Variants in PDE1A observed in about 807,000 individuals in gnomAD.
PDE1A encodes dual specificity calcium/calmodulin-dependent 3',5'-cyclic nucleotide phosphodiesterase 1A.
A neutral mutation model predicts 61.7 loss-of-function variants in PDE1A; 35 were observed. The ratio of observed to expected loss-of-function variants is 0.57; its 90% confidence interval spans 0.43 to 0.75. The LOEUF is 0.75. Ranked by LOEUF, PDE1A falls within the 30% of genes least tolerant of loss-of-function variation. The pLI is 0.00. For synonymous variants in PDE1A, 232 were observed against 213.2 expected (o/e 1.09, Z -0.77); for missense variants, 597 against 630.6 (o/e 0.95, Z 0.57).
intron 7 of PDE1A, among the ~76,000 whole-genome samples, chr2:182,206,862 C>T (rs1299405121): frequency 6.6e-6 from 1 of 152,124 alleles, no homozygotes; most frequent in Non-Finnish European, 1.5e-5. Context: ...TCTCTCCTGC[C>T]ACCATGTGAA....
chr2:182,496,760 C>T (rs1048459716), intron 2 of PDE1A, among the ~76,000 whole-genome samples: 7 of 152,234 alleles, frequency 4.6e-5, no homozygotes, highest in Admixed American at 1.3e-4. Context: ...GGACTGATAG[C>T]AGCAGTAGTG....
Position 182,240,106 on chromosome 2 carries a change from T to C in PDE1A, c.350+4A>G. ...TGTCTTGAGATACCAACAATTTCAC[T>C]TACCTTTCCACAAAAATTCCAGCTT... is the stretch of plus-strand genomic sequence containing the variant. On this transcript the variant is annotated splice_donor_region_variant and intron_variant, in intron 3 of 13. Transcript: ENST00000351439. The C allele has an allele frequency of 1.2e-6, 2 of 1,611,768 alleles. No homozygotes were observed. The highest frequency in any genetic ancestry group is 2.2e-5 in the South Asian group (2 of 90,508).
intron 2 of PDE1A, among the ~76,000 whole-genome samples, chr2:182,243,054 A>C (rs540903270): frequency 2.0e-5 from 3 of 152,178 alleles, no homozygotes; most frequent in Admixed American, 2.0e-4. Flanking sequence ...ATAAAGACTC[A>C]GTTCTCTATT....
chr2:182,334,265 G>GAC lies in PDE1A; in HGVS notation c.54-69852_54-69851insGT, dbSNP rs746376417. ...ATAATCCTGATACCAAACCCTGGAAGAGACACACACACACACACACACACA... is the reference window on the plus strand; with the variant it reads ...ATAATCCTGATACCAAACCCTGGAAGACAGACACACACACACACACACACACA... On this transcript the variant is annotated intron_variant, in intron 1 of 13. Transcript: ENST00000351439. 9.5e-3 allele frequency among the ~76,000 whole-genome samples: 1,415 copies of GAC among 149,114 alleles called. 8 individuals are homozygous for GAC. The highest frequency in any genetic ancestry group is 0.013 in the Non-Finnish European group (890 of 67,084).
intron 1 of PDE1A, among the ~76,000 whole-genome samples, chr2:182,336,727 CT>C (rs1472187235): frequency 6.6e-6 from 1 of 151,454 alleles, no homozygotes; most frequent in Admixed American, 6.6e-5. Context: ...TGTAACAAAA[CT>C]GCACGTTTTG....
chr2:182,168,227 G>A (rs2276613), exon 14 of PDE1A: 22 of 1,575,418 alleles, frequency 1.4e-5, no homozygotes, highest in South Asian at 4.8e-5. Flanking sequence ...CACCATGCAC[G>A]AGGTTTTACT....
intron 8 of PDE1A, among the ~76,000 whole-genome samples, chr2:182,204,424 A>G (rs1030802684): frequency 1.3e-5 from 2 of 152,144 alleles, no homozygotes; most frequent in Non-Finnish European, 2.9e-5. Flanking sequence ...ACTGTGTGGG[A>G]CCACTCGTAC....
At chr2:182,189,806 T>G (rs765617986) in intron 10 of PDE1A, among the ~76,000 whole-genome samples, 2 of 152,220 alleles carry the variant, frequency 1.3e-5, no homozygotes, top group African/African-American at 2.4e-5. Context: ...CAAGGTTTAT[T>G]AAACTTTGGT....
At chr2:182,170,326 T>TA (rs1016655247) in intron 13 of PDE1A, among the ~76,000 whole-genome samples, 4 of 152,052 alleles carry the variant, frequency 2.6e-5, no homozygotes, top group Admixed American at 6.6e-5. Flanking sequence ...GAATAAATGA[T>TA]AAAAAATTTC....
At chr2:182,667,804 C>CA in the PDE1A span, among the ~76,000 whole-genome samples, 1 of 152,114 alleles carries the variant, frequency 6.6e-6, no homozygotes, top group Non-Finnish European at 1.5e-5. Flanking sequence ...AACTGCAACC[C>CA]AAAATGAGAG....
chr2:182,475,529 C>G (rs1001153529), intron 2 of PDE1A, among the ~76,000 whole-genome samples: 4 of 151,932 alleles, frequency 2.6e-5, no homozygotes, highest in Non-Finnish European at 4.4e-5. Context: ...CTTTACCATT[C>G]TCATTATTAC....
At chr2:182,535,964 T>A in the PDE1A span, among the ~76,000 whole-genome samples, 1 of 152,130 alleles carries the variant, frequency 6.6e-6, no homozygotes, top group Non-Finnish European at 1.5e-5. Flanking sequence ...AAAAGAAGCA[T>A]AAATTTAGGC....
the PDE1A span, among the ~76,000 whole-genome samples, chr2:182,645,276 G>GCGCCCAGC: frequency 0.61 from 93,140 of 151,630 alleles, 28,813 homozygotes; most frequent in Admixed American, 0.71. Context: ...GTGAGCCACC[G>GCGCCCAGC]CCTCTTCTGT....
At chr2:182,666,954 G>A in the PDE1A span, among the ~76,000 whole-genome samples, 1 of 152,138 alleles carries the variant, frequency 6.6e-6, no homozygotes, top group Non-Finnish European at 1.5e-5. Flanking sequence ...GCACAGTCCT[G>A]CTAGTAAGTC....
intron 7 of PDE1A, among the ~76,000 whole-genome samples, chr2:182,212,083 A>AATCT (rs1197610388): frequency 6.6e-6 from 1 of 152,134 alleles, no homozygotes; most frequent in Admixed American, 6.5e-5. Context: ...CCTTGTTCAC[A>AATCT]ATCTTAGTGG....
chr2:182,675,240 T>C, the PDE1A span, among the ~76,000 whole-genome samples: 1 of 152,104 alleles, frequency 6.6e-6, no homozygotes, highest in Non-Finnish European at 1.5e-5. Context: ...AGTTTGCTAA[T>C]AATAATGGCC....
At chr2:182,644,263 C>CTGTGTGTG in the PDE1A span, among the ~76,000 whole-genome samples, 17,219 of 122,664 alleles carry the variant, frequency 0.14, 1,684 homozygotes, top group Admixed American at 0.24. Context: ...TCTTAAGACT[C>CTGTGTGTG]TGTGTGTGTG....
chr2:182,252,761 C>T lies in PDE1A; in HGVS notation c.167+11540G>A, dbSNP rs536073010. On this transcript the variant is annotated intron_variant, in intron 2 of 13. Coordinates refer to ENST00000351439, the Ensembl canonical transcript of PDE1A. ...CTACTCCTGGGTGGAGCCTGCAGGA[C>T]GGCAAGGTCCCTGTGTGGAACTGAC... Among the ~76,000 whole-genome samples the T allele has an allele frequency of 7.2e-5, 11 of 152,238 alleles. No individual in the cohort carries two copies. In the South Asian group the frequency reaches 1.7e-3, roughly 23 times the overall value.
At chr2:182,202,910 T>C (rs1042398857) in intron 8 of PDE1A, among the ~76,000 whole-genome samples, 4 of 152,210 alleles carry the variant, frequency 2.6e-5, no homozygotes, top group Non-Finnish European at 4.4e-5. Flanking sequence ...CATTGTGTGG[T>C]GTGGCCAGTA....
Sources: gnomAD v4.1 joint callset for allele counts (sites outside exome capture counted in the v4.1 genomes callset) on GRCh38, gnomAD v4.1.1 for gene constraint, MANE v1.5 for transcripts, NCBI Gene and HGNC (gene_info 2026-07-23, HGNC 2026-07-21) for gene names.